PIP5K1C: variants seen among roughly 807,000 people sequenced by gnomAD.
PIP5K1C encodes the protein phosphatidylinositol-4-phosphate 5-kinase type 1 gamma.
A neutral mutation model predicts 80.1 loss-of-function variants in PIP5K1C; 45 were observed. The observed-to-expected ratio is 0.56, with a 90% CI of 0.44 to 0.72. PIP5K1C has a LOEUF of 0.72. PIP5K1C is among the 30% of genes least tolerant of loss of function. The pLI is 0.00. For synonymous variants in PIP5K1C, 498 were observed against 420.1 expected (o/e 1.19, Z -2.27); for missense variants, 753 against 954.6 (o/e 0.79, Z 2.78).
chr19:3,681,823 T>G (rs1045513234), intron 1 of PIP5K1C, among the ~76,000 whole-genome samples: 2 of 151,896 alleles, frequency 1.3e-5, no homozygotes, highest in Non-Finnish European at 2.9e-5. Flanking sequence ...AGGAGCAAAC[T>G]TAAGGCACAT....
At chr19:3,687,807 CAT>C (rs905738547) in intron 1 of PIP5K1C, among the ~76,000 whole-genome samples, 1 of 152,224 alleles carries the variant, frequency 6.6e-6, no homozygotes, top group Non-Finnish European at 1.5e-5. Flanking sequence ...CCCCGCAGGG[CAT>C]AGAGTGATCG....
intron 16 of PIP5K1C, among the ~76,000 whole-genome samples, chr19:3,635,120 T>G (rs1443980788): frequency 1.3e-5 from 2 of 152,240 alleles, no homozygotes; most frequent in Admixed American, 1.3e-4. Context: ...GGTCCCCACC[T>G]GAGCCCTGAA....
chr19:3,645,879 G>T, intron 11 of PIP5K1C, 95 bp downstream of exon 11: 1 of 923,012 alleles, frequency 1.1e-6, no homozygotes, highest in Non-Finnish European at 1.8e-6. Flanking sequence ...GCCCTGCCCA[G>T]GGGGCTCTCG....
intron 1 of PIP5K1C, among the ~76,000 whole-genome samples, chr19:3,674,561 C>G (rs2035302915): frequency 6.6e-6 from 1 of 151,934 alleles, no homozygotes. Context: ...CCCCGAGTAG[C>G]TGCAGATCTC....
Position 3,653,443 on chromosome 19 carries a change from G to C in PIP5K1C, c.768C>G (p.Gly256=). The C allele has an allele frequency of 6.2e-7, 1 of 1,613,722 alleles. No homozygotes were observed. Residue 256 remains glycine, a synonymous_variant, in exon 7 of 18, where the codon GGC becomes GGG. Coordinates refer to ENST00000335312, the MANE Select transcript of PIP5K1C (RefSeq NM_012398.3). ...VKMHLKFDLK[G]STYKRRASKK... is the part of the protein sequence containing the mutation. ...TGCTGGCGCGCCGCTTGTAGGTGGA[G>C]CCCTTGAGGTCGAACTTGAGGTGCA...
rs1218775016 is a variant in PIP5K1C, at chr19:3,632,812, G to A, written c.*355C>T. 1 of 296,192 alleles carries A rather than the reference G, an allele frequency of 3.4e-6. No homozygotes were observed. Among genetic ancestry groups the A allele is most frequent in the Non-Finnish European group, 6.2e-6 (1 of 160,224 alleles). 18.3% of individuals were successfully genotyped at this position (296,192 alleles called of 1,614,324 possible). ...GGCAGGCACAGCAGAGAACCAAAGA[G>A]TGCAGTGGGCAGGGGCTCTTCTCCC... On this transcript the variant is annotated 3_prime_UTR_variant, in exon 18 of 18. Coordinates refer to ENST00000335312, the MANE Select transcript of PIP5K1C (RefSeq NM_012398.3).
At chr19:3,659,908 C>T (rs1036340045) in intron 5 of PIP5K1C, among the ~76,000 whole-genome samples, 7 of 152,294 alleles carry the variant, frequency 4.6e-5, no homozygotes, top group Middle Eastern at 3.4e-3. Flanking sequence ...CACAGGCTCC[C>T]GGCCCCGGGG....
At chr19:3,687,568 TG>T (rs1319495104) in intron 1 of PIP5K1C, among the ~76,000 whole-genome samples, 2 of 149,450 alleles carry the variant, frequency 1.3e-5, no homozygotes, top group Non-Finnish European at 3.0e-5. Context: ...CGCACACACA[TG>T]CACACGCACA....
chr19:3,652,382 G>C (rs2034485015), intron 7 of PIP5K1C, among the ~76,000 whole-genome samples: 1 of 152,266 alleles, frequency 6.6e-6, no homozygotes, highest in South Asian at 2.1e-4. Context: ...GACGTGCCCG[G>C]CCTGACAGGT....
intron 1 of PIP5K1C, among the ~76,000 whole-genome samples, chr19:3,678,482 G>C (rs1414661292): frequency 1.6e-5 from 2 of 126,204 alleles, no homozygotes; most frequent in Non-Finnish European, 3.4e-5. Flanking sequence ...GGATGGAGGA[G>C]GGATGGAGGC....
chr19:3,678,885 G>A (rs2035501392), intron 1 of PIP5K1C, among the ~76,000 whole-genome samples: 1 of 141,294 alleles, frequency 7.1e-6, no homozygotes, highest in Non-Finnish European at 1.5e-5. Context: ...TGGAGGGAGG[G>A]ATGGCGGGAT....
rs759062696 is a variant in PIP5K1C, at chr19:3,642,932, T to C, written c.1657A>G (p.Thr553Ala). Residue 553 changes from threonine to alanine, a missense_variant, in exon 14 of 18, where the codon ACA (threonine) becomes GCA (alanine). Physicochemically the swap from Thr to Ala is moderately conservative, Grantham distance 58. Around this residue, in one of 6 missense-constraint regions of PIP5K1C, gnomAD observed 315 missense variants for 294.5 expected, o/e 1.07. Coordinates refer to ENST00000335312, the MANE Select transcript of PIP5K1C (RefSeq NM_012398.3). The stretch of plus-strand genomic sequence containing the variant: ...CTGCCATCCTGTCCAGACGACTGTG[T>C]GCGCCGCCTGCAGAGATACAGCAAA... ...TSEQPRYRRR[T>A]QSSGQDGRPQ... The C allele has an allele frequency of 3.1e-6, 5 of 1,613,388 alleles. No homozygotes were observed. The South Asian group carries it at 4.4e-5, about 14-fold the overall frequency.
rs552206418 is a variant in PIP5K1C at position 3,656,638 on chromosome 19, C to T, written c.469-81G>A. 5.8e-3 allele frequency: 8,661 copies of T among 1,503,934 alleles called. 39 individuals are homozygous for T. The highest frequency in any genetic ancestry group is 6.7e-3 in the Non-Finnish European group (7,279 of 1,086,638). The allele number at this position is 1,503,934 out of a possible 1,614,324, so 93.2% of individuals were successfully genotyped here. On this transcript the variant is annotated intron_variant, in intron 5 of 17. Transcript: ENST00000335312. The stretch of plus-strand genomic sequence containing the variant: ...ACTGGCTTCCGGTCTGCCCAACAGC[C>T]CCAGGAACTGATGACGGGTCGCTGC...
intron 5 of PIP5K1C, among the ~76,000 whole-genome samples, chr19:3,660,421 GC>G (rs2034796319): frequency 1.3e-5 from 2 of 151,586 alleles, no homozygotes; most frequent in South Asian, 4.2e-4. Context: ...GAGCTCCAGG[GC>G]CACTGTGGGG....
rs1181265421 is a variant in PIP5K1C at position 3,699,583 on chromosome 19, A to G, written c.94+714T>C. Reference sequence around the variant, plus strand: ...TCCGATTTGGGAGCTTGTGACCTCGACTGAGAAGGAACTGTTCCCTTCCTC... The same window carrying G: ...TCCGATTTGGGAGCTTGTGACCTCGGCTGAGAAGGAACTGTTCCCTTCCTC... On this transcript the variant is annotated intron_variant, in intron 1 of 17. Transcript: ENST00000335312. 2.6e-5 allele frequency among the ~76,000 whole-genome samples: 4 copies of G among 152,254 alleles called. No individual in the cohort carries two copies. The East Asian group carries it at 7.8e-4, about 30-fold the overall frequency.
chr19:3,690,904 G>A (rs1401176982), intron 1 of PIP5K1C, among the ~76,000 whole-genome samples: 2 of 152,190 alleles, frequency 1.3e-5, no homozygotes, highest in Non-Finnish European at 2.9e-5. Context: ...GTGGAGGTCG[G>A]GGCCACGGAG....
Position 3,647,326 on chromosome 19 carries a change from G to A in PIP5K1C, c.1260+12C>T. On this transcript the variant is annotated intron_variant, in intron 10 of 17. Transcript: ENST00000335312. ...ATGGGAGGAGGAATGGGAGGAGGGT[G>A]CAGGCGCTCACCCCATCGTGGACGA... 6.4e-7 allele frequency: 1 copy of A among 1,567,070 alleles called. No homozygotes were observed. The highest frequency in any genetic ancestry group is 1.2e-5 in the South Asian group (1 of 85,402).
At chr19:3,672,203 G>C (rs760044256) in intron 1 of PIP5K1C, among the ~76,000 whole-genome samples, 1 of 152,226 alleles carries the variant, frequency 6.6e-6, no homozygotes, top group Non-Finnish European at 1.5e-5. Flanking sequence ...AAGCCAGCTC[G>C]AGCCCTAGAG....
intron 1 of PIP5K1C, among the ~76,000 whole-genome samples, chr19:3,698,954 C>T (rs1474101027): frequency 6.7e-6 from 1 of 148,938 alleles, no homozygotes; most frequent in Admixed American, 6.7e-5. Context: ...CCCCCCCACT[C>T]CCCCGCTCTC....
Sources: gnomAD v4.1 joint callset for allele counts (sites outside exome capture counted in the v4.1 genomes callset) on GRCh38, gnomAD v4.1.1 for gene constraint, gnomAD v4.1.1 regional missense constraint, MANE v1.5 for transcripts, NCBI Gene and HGNC (gene_info 2026-07-23, HGNC 2026-07-21) for gene names.